Variants in SLC25A53 observed in about 807,000 individuals in gnomAD.
The protein encoded by SLC25A53 is solute carrier family 25 member 53, also known as mitochondrial carrier triple repeat protein 6.
In SLC25A53, 5 loss-of-function variants were observed where a neutral mutation model predicts 15.0. The ratio of observed to expected loss-of-function variants is 0.33; its 90% CI spans 0.17 to 0.70. The LOEUF (loss-of-function observed/expected upper bound fraction) is 0.70. Ranked by LOEUF, SLC25A53 falls within the 30% of genes least tolerant of loss-of-function variation. The probability of loss-of-function intolerance (pLI) is 0.67; values close to 1 mark genes in which losing one functional copy is unlikely to be tolerated. For synonymous variants in SLC25A53, 95 were observed against 100.0 expected (o/e 0.95, Z 0.30); for missense variants, 216 against 241.6 (o/e 0.89, Z 0.70).
intron 1 of SLC25A53, among the ~76,000 whole-genome samples, chrX:104,129,773 A>C (rs2075420386): frequency 9.3e-6 from 1 of 107,296 alleles, no homozygotes; most frequent in Non-Finnish European, 1.9e-5. Flanking sequence ...ACATTTATAT[A>C]TATAAGAATC....
intron 1 of SLC25A53, among the ~76,000 whole-genome samples, chrX:104,144,169 C>T (rs782643139): frequency 8.9e-6 from 1 of 111,737 alleles, no homozygotes; most frequent in South Asian, 3.8e-4. Flanking sequence ...AGACCATCGA[C>T]GCTATGAAGA....
intron 1 of SLC25A53, among the ~76,000 whole-genome samples, chrX:104,127,727 G>A (rs1208935321): frequency 3.6e-5 from 4 of 111,940 alleles, no homozygotes; most frequent in Non-Finnish European, 5.6e-5. Flanking sequence ...ACTTTAGGAG[G>A]CCAAGGTGGG....
rs2075283244 is a variant in SLC25A53, at chrX:104,102,040, T to C, written c.*2294A>G. 8.9e-6 allele frequency: 1 copy of C among 111,896 alleles called. No homozygotes were observed. The highest frequency in any genetic ancestry group is 3.3e-5 in the African/African-American group (1 of 30,763). The allele number at this position is 111,896 out of a possible 1,213,427, so 9.2% of individuals were successfully genotyped here. ...GTTCATACTTCCTTGAATCCACAAG[T>C]TGAGTACTGTCCCAACACATCCCGA... On this transcript the variant is annotated 3_prime_UTR_variant, in exon 2 of 2. Transcript: ENST00000594199.
intron 1 of SLC25A53, among the ~76,000 whole-genome samples, chrX:104,155,125 G>A (rs1165146083): frequency 9.1e-6 from 1 of 109,616 alleles, no homozygotes; most frequent in Non-Finnish European, 1.9e-5. Flanking sequence ...CATGCCTGAC[G>A]TTTAGGAGTG....
At chrX:104,156,205 T>G (rs1484228372) in intron 1 of SLC25A53, among the ~76,000 whole-genome samples, 1 of 111,527 alleles carries the variant, frequency 9.0e-6, no homozygotes, top group South Asian at 3.8e-4. Context: ...GCTTATTTTG[T>G]CTTCAAAATA....
At chrX:104,155,669 CT>C (rs1275843775) in intron 1 of SLC25A53, among the ~76,000 whole-genome samples, 1 of 111,450 alleles carries the variant, frequency 9.0e-6, no homozygotes, top group Non-Finnish European at 1.9e-5. Context: ...AGCTTGCAGG[CT>C]TTGCACTCAC....
intron 1 of SLC25A53, among the ~76,000 whole-genome samples, chrX:104,108,633 T>C (rs1357517564): frequency 9.0e-6 from 1 of 111,340 alleles, no homozygotes; most frequent in Non-Finnish European, 1.9e-5. Flanking sequence ...GAGTTGGCCT[T>C]AAGCAGATAT....
intron 1 of SLC25A53, among the ~76,000 whole-genome samples, chrX:104,110,146 C>T (rs2075332431): frequency 8.9e-6 from 1 of 111,815 alleles, no homozygotes; most frequent in Admixed American, 9.5e-5. Flanking sequence ...TATGTGATTC[C>T]ATCCCTACCA....
chrX:104,116,118 C>G (rs2075376106), intron 1 of SLC25A53, among the ~76,000 whole-genome samples: 1 of 101,745 alleles, frequency 9.8e-6, no homozygotes, highest in Non-Finnish European at 2.0e-5. Context: ...AGATGGGGAA[C>G]GGGGGGGGGA....
chrX:104,115,340 T>C (rs1556361079), intron 1 of SLC25A53: 3 of 1,137,660 alleles, frequency 2.6e-6, no homozygotes, highest in Non-Finnish European at 1.2e-6. Flanking sequence ...AGTCCAGCCC[T>C]AAATGAGTCC....
chrX:104,132,714 TC>T (rs1219296581), intron 1 of SLC25A53, among the ~76,000 whole-genome samples: 2 of 111,967 alleles, frequency 1.8e-5, no homozygotes, highest in African/African-American at 6.5e-5. Flanking sequence ...AAAGAAGAGA[TC>T]AGAACTAAAT....
chrX:104,110,411 G>A (rs1359125654), intron 1 of SLC25A53, among the ~76,000 whole-genome samples: 3 of 111,311 alleles, frequency 2.7e-5, no homozygotes, highest in Non-Finnish European at 3.8e-5. Flanking sequence ...TGAGATGGAA[G>A]GTGCTTATCT....
chrX:104,115,413 T>C (rs1179699404), intron 1 of SLC25A53: 1 of 881,899 alleles, frequency 1.1e-6, no homozygotes, highest in Non-Finnish European at 1.5e-6. Flanking sequence ...TCTAACTGCA[T>C]GAATTAATCC....
intron 1 of SLC25A53, among the ~76,000 whole-genome samples, chrX:104,106,585 G>T (rs2075311512): frequency 9.0e-6 from 1 of 111,273 alleles, no homozygotes. Context: ...GGGGCATGAA[G>T]GTTGGGACTC....
chrX:104,128,411 C>T (rs1316771883), intron 1 of SLC25A53, among the ~76,000 whole-genome samples: 1 of 111,487 alleles, frequency 9.0e-6, no homozygotes, highest in East Asian at 2.8e-4. Flanking sequence ...AAAATAATTG[C>T]ATTTTCAGAA....
rs1285055633 is a variant in SLC25A53 at position 104,103,150 on chromosome X, AAAG to A, written c.*1181_*1183del. 9.1e-6 allele frequency: 1 copy of A among 109,718 alleles called. No homozygotes were observed. Among genetic ancestry groups the A allele is most frequent in the Non-Finnish European group, 1.9e-5 (1 of 52,894 alleles). The allele number at this position is 109,718 out of a possible 1,213,427, so 9.0% of individuals were successfully genotyped here. ...CGAAACTCCGTCTCAAAAAAAAAAA[AAAG>A]AAAGGGGCATCACAGAGACTAATGT... On this transcript the variant is annotated 3_prime_UTR_variant, in exon 2 of 2. Coordinates refer to ENST00000594199, the MANE Select transcript of SLC25A53 (RefSeq NM_001012755.5).
intron 1 of SLC25A53, among the ~76,000 whole-genome samples, chrX:104,141,930 G>A (rs1556367624): frequency 8.9e-6 from 1 of 111,965 alleles, no homozygotes; most frequent in Admixed American, 9.5e-5. Context: ...AGGTTACCCA[G>A]CAAAAACTAT....
chrX:104,137,593 C>A (rs782237921), intron 1 of SLC25A53, among the ~76,000 whole-genome samples: 2 of 111,436 alleles, frequency 1.8e-5, no homozygotes, highest in South Asian at 3.8e-4. Flanking sequence ...CTCTGAGTTC[C>A]CTGAAAACCT....
rs1556365154 is a variant in SLC25A53 at position 104,129,895 on chromosome X, T to TGC, written c.-31-24609_-31-24608dup. 5.0e-5 allele frequency among the ~76,000 whole-genome samples: 5 copies of TGC among 100,150 alleles called. No individual in the cohort carries two copies. The South Asian group carries it at 2.2e-3, about 44-fold the overall frequency. The allele number at this position is 100,150 out of a possible 115,157, so 87.0% of individuals were successfully genotyped here. A position where few individuals can be genotyped will look rare whatever the true frequency, so the allele number is the denominator to read the frequency against. ...GTGTGTGTGTGTGTGTGTGTGTGTG[T>TGC]GCCATTCAAATGATGAGCAGACACT... is the stretch of plus-strand genomic sequence containing the variant. On this transcript the variant is annotated intron_variant, in intron 1 of 1. Coordinates refer to ENST00000594199, the MANE Select transcript of SLC25A53 (RefSeq NM_001012755.5).
Sources: gnomAD v4.1 joint callset for allele counts (sites outside exome capture counted in the v4.1 genomes callset) on GRCh38, gnomAD v4.1.1 for gene constraint, MANE v1.5 for transcripts, NCBI Gene and HGNC (gene_info 2026-07-23, HGNC 2026-07-21) for gene names.